Variants in LAMA2 observed in about 807,000 individuals in gnomAD.
The protein encoded by LAMA2 is laminin subunit alpha-2.
A neutral mutation model predicts 364.8 loss-of-function variants in LAMA2; 269 were observed. The observed-to-expected ratio is 0.74, with a 90% CI of 0.67 to 0.82. The LOEUF (loss-of-function observed/expected upper bound fraction) is 0.82, where lower values mean the gene tolerates loss of function less well. LAMA2 is among the 40% of genes least tolerant of loss of function. The pLI, the probability that LAMA2 is intolerant of heterozygous loss-of-function variation, is 0.00. For synonymous variants in LAMA2, 1,379 were observed against 1,370.6 expected, an observed-to-expected ratio of 1.01 and a Z score of -0.14; for missense variants, 3,807 against 3,873.2, an observed-to-expected ratio of 0.98 and a Z score of 0.45.
chr6:129,197,168 T>A (rs1291904378), intron 12 of LAMA2, among the ~76,000 whole-genome samples: 2 of 152,184 alleles, frequency 1.3e-5, no homozygotes, highest in South Asian at 2.1e-4. Context: ...TACCAAAATA[T>A]ATTTATTTGA....
intron 4 of LAMA2, among the ~76,000 whole-genome samples, chr6:129,104,485 T>C (rs1372046227): frequency 6.6e-6 from 1 of 152,224 alleles, no homozygotes; most frequent in African/African-American, 2.4e-5. Flanking sequence ...TTTCCACTTG[T>C]CTAAAGAATT....
chr6:129,342,638 G>T (rs1225392356), intron 30 of LAMA2, among the ~76,000 whole-genome samples, 171 bp downstream of exon 30: 1 of 151,846 alleles, frequency 6.6e-6, no homozygotes, highest in Non-Finnish European at 1.5e-5. Context: ...ATGCTCTATG[G>T]TTCATTTTTC....
At chr6:128,932,220 T>C (rs1779528131) in intron 1 of LAMA2, among the ~76,000 whole-genome samples, 1 of 152,204 alleles carries the variant, frequency 6.6e-6, no homozygotes, top group Non-Finnish European at 1.5e-5. Flanking sequence ...CCTGCAGCAA[T>C]ATTCTCACAA....
intron 1 of LAMA2, among the ~76,000 whole-genome samples, chr6:128,982,712 C>T (rs1413494550): frequency 2.7e-5 from 4 of 150,046 alleles, no homozygotes; most frequent in African/African-American, 4.9e-5. Context: ...CCCATTAACT[C>T]GTCATTTAGC....
At chr6:129,176,459 CA>C (rs1310683985) in intron 9 of LAMA2, among the ~76,000 whole-genome samples, 2 of 151,790 alleles carry the variant, frequency 1.3e-5, no homozygotes, top group African/African-American at 2.4e-5. Flanking sequence ...TTAGATTATT[CA>C]AATTTTCTGT....
intron 54 of LAMA2, among the ~76,000 whole-genome samples, chr6:129,479,438 A>G (rs1784244409): frequency 6.6e-6 from 1 of 152,140 alleles, no homozygotes; most frequent in African/African-American, 2.4e-5. Flanking sequence ...TCGTTTAACT[A>G]TTTTGCACTG....
chr6:129,160,683 A>T (rs1455697608), intron 8 of LAMA2, among the ~76,000 whole-genome samples: 1 of 151,826 alleles, frequency 6.6e-6, no homozygotes, highest in Non-Finnish European at 1.5e-5. Context: ...TTCTTCTTTT[A>T]TCATATAAAC....
chr6:129,426,587 A>G (rs963561231), intron 40 of LAMA2, among the ~76,000 whole-genome samples: 5 of 152,148 alleles, frequency 3.3e-5, no homozygotes, highest in Admixed American at 1.3e-4. Context: ...TTTCTGGAGA[A>G]TAATTTGCCA....
intron 1 of LAMA2, among the ~76,000 whole-genome samples, chr6:129,004,774 T>A (rs1582855043): frequency 6.6e-6 from 1 of 152,300 alleles, no homozygotes; most frequent in East Asian, 1.9e-4. Flanking sequence ...TTTGACACTT[T>A]CTAATTATTG....
chr6:129,096,935 G>T (rs187412962), intron 3 of LAMA2, among the ~76,000 whole-genome samples: 139 of 152,208 alleles, frequency 9.1e-4, no homozygotes, highest in African/African-American at 3.2e-3. Flanking sequence ...GTCCCTTAGG[G>T]TATACCATAG....
chr6:129,084,621 G>A (rs1450356607), intron 3 of LAMA2, among the ~76,000 whole-genome samples: 1 of 152,102 alleles, frequency 6.6e-6, no homozygotes, highest in Admixed American at 6.6e-5. Context: ...CAATGAAAAA[G>A]TCCCCTCCAT....
chr6:129,499,763 G>A (rs553132323), intron 58 of LAMA2, among the ~76,000 whole-genome samples: 30 of 152,248 alleles, frequency 2.0e-4, no homozygotes, highest in African/African-American at 7.2e-4. Flanking sequence ...TACTGTCCAG[G>A]TTGGAGTGCA....
At chr6:129,115,725 T>G (rs983257088) in intron 4 of LAMA2, among the ~76,000 whole-genome samples, 4 of 152,078 alleles carry the variant, frequency 2.6e-5, no homozygotes, top group African/African-American at 9.7e-5. Context: ...AGGCCTGGTT[T>G]GGAATCTTGG....
chr6:129,157,463 C>T (rs1413272994), intron 8 of LAMA2: 1 of 1,586,530 alleles, frequency 6.3e-7, no homozygotes, highest in Non-Finnish European at 8.6e-7. Flanking sequence ...CTAATTCCAC[C>T]CATGCCATGG....
At chr6:129,288,747 T>A (rs1190324498) in intron 19 of LAMA2, among the ~76,000 whole-genome samples, 1 of 152,180 alleles carries the variant, frequency 6.6e-6, no homozygotes, top group African/African-American at 2.4e-5. Flanking sequence ...AATTTCCAAA[T>A]CCTTAATGTC....
intron 17 of LAMA2, among the ~76,000 whole-genome samples, chr6:129,279,555 C>G (rs1385873498): frequency 6.6e-6 from 1 of 152,122 alleles, no homozygotes; most frequent in Non-Finnish European, 1.5e-5. Context: ...TGAGGGCATA[C>G]CTGCAAGGAA....
intron 40 of LAMA2, among the ~76,000 whole-genome samples, chr6:129,413,848 C>G (rs1412388972): frequency 6.6e-6 from 1 of 151,924 alleles, no homozygotes; most frequent in African/African-American, 2.4e-5. Context: ...GGTTTCTGCT[C>G]AAGATGTTTA....
intron 15 of LAMA2, among the ~76,000 whole-genome samples, chr6:129,263,136 ATTGT>A (rs1193008024): frequency 6.6e-6 from 1 of 152,130 alleles, no homozygotes; most frequent in Non-Finnish European, 1.5e-5. Context: ...ACCTCATAGA[ATTGT>A]TTGTTTGTTC....
intron 29 of LAMA2, 63 bp downstream of exon 29, chr6:129,328,475 C>T (rs1303466882): frequency 1.2e-6 from 2 of 1,612,716 alleles, no homozygotes; most frequent in Non-Finnish European, 8.5e-7. Flanking sequence ...ACATGCTCAG[C>T]ATCTGCATGC....
Sources: gnomAD v4.1 joint callset for allele counts (sites outside exome capture counted in the v4.1 genomes callset) on GRCh38, gnomAD v4.1.1 for gene constraint, MANE v1.5 for transcripts, NCBI Gene and HGNC (gene_info 2026-07-23, HGNC 2026-07-21) for gene names.